TASP1: variants seen among roughly 807,000 people sequenced by gnomAD.
TASP1 encodes threonine aspartase 1.
A neutral mutation model predicts 56.6 loss-of-function variants in TASP1; 16 were observed. The ratio of observed to expected loss-of-function variants is 0.28; its 90% confidence interval spans 0.19 to 0.43. The LOEUF (loss-of-function observed/expected upper bound fraction) is 0.43. TASP1 is among the 20% of genes least tolerant of loss of function. The pLI is 1.00. For synonymous variants in TASP1, 179 were observed against 184.2 expected, an observed-to-expected ratio of 0.97 and a Z score of 0.23; for missense variants, 393 against 511.6, an observed-to-expected ratio of 0.77 and a Z score of 2.24.
chr20:13,518,443 C>T (rs144774259), intron 10 of TASP1, among the ~76,000 whole-genome samples: 505 of 152,162 alleles, frequency 3.3e-3, no homozygotes, highest in African/African-American at 0.011. Context: ...ACTCAAGAGT[C>T]CCCCTTTCAT....
the TASP1 span, among the ~76,000 whole-genome samples, chr20:13,204,552 T>TATATATATATATATG: frequency 6.6e-6 from 1 of 151,382 alleles, no homozygotes; most frequent in African/African-American, 2.4e-5. Context: ...TATATGTATA[T>TATATATATATATATG]TTTTTGAGAC....
the TASP1 span, among the ~76,000 whole-genome samples, chr20:13,379,053 T>C: frequency 1.3e-5 from 2 of 152,314 alleles, no homozygotes; most frequent in Middle Eastern, 3.4e-3. Context: ...GTCTTTTAAT[T>C]GGGGCATTTA....
At chr20:13,598,303 C>T (rs1308629294) in intron 4 of TASP1, among the ~76,000 whole-genome samples, 4 of 152,100 alleles carry the variant, frequency 2.6e-5, no homozygotes, top group Non-Finnish European at 4.4e-5. Context: ...CTACAGTAAC[C>T]AAAACAGCAT....
intron 11 of TASP1, among the ~76,000 whole-genome samples, chr20:13,437,967 T>A (rs2043069999): frequency 6.6e-6 from 1 of 152,234 alleles, no homozygotes; most frequent in Non-Finnish European, 1.5e-5. Flanking sequence ...GCCATCCCCA[T>A]CAAGCTACCA....
the TASP1 span, among the ~76,000 whole-genome samples, chr20:13,113,703 T>C: frequency 6.6e-6 from 1 of 152,160 alleles, no homozygotes; most frequent in Non-Finnish European, 1.5e-5. Context: ...TTCAATGAGG[T>C]CATATAAGCT....
In TASP1 at chr20:13,405,360, T is replaced by C. The variant is rs556156598; in HGVS notation, c.1170+12088A>G. ...AAATACATACATCAGGAGATACAAGTGTCCATTTAAATTTCCTCTTTCATT... is the reference window on the plus strand; with the variant it reads ...AAATACATACATCAGGAGATACAAGCGTCCATTTAAATTTCCTCTTTCATT... On this transcript the variant is annotated intron_variant, in intron 13 of 13. Transcript: ENST00000337743. 3.9e-5 allele frequency among the ~76,000 whole-genome samples: 6 copies of C among 152,304 alleles called. No individual in the cohort carries two copies. The South Asian group carries it at 1.2e-3, about 32-fold the overall frequency.
At chr20:13,430,672 G>GT (rs1568789799) in intron 12 of TASP1, among the ~76,000 whole-genome samples, 1 of 152,206 alleles carries the variant, frequency 6.6e-6, no homozygotes, top group Non-Finnish European at 1.5e-5. Context: ...CGAGTCTCTA[G>GT]TGTTTGGCTC....
the TASP1 span, among the ~76,000 whole-genome samples, chr20:13,251,657 T>G: frequency 6.6e-6 from 1 of 152,222 alleles, no homozygotes; most frequent in Admixed American, 6.5e-5. Flanking sequence ...ATATTTCCTT[T>G]GGTCAGAGAG....
At chr20:13,366,633 C>A in the TASP1 span, among the ~76,000 whole-genome samples, 1 of 152,136 alleles carries the variant, frequency 6.6e-6, no homozygotes, top group Non-Finnish European at 1.5e-5. Context: ...CTTTCTCCTG[C>A]CCAGGGAAAG....
At chr20:13,450,894 A>C (rs1224693978) in intron 11 of TASP1, among the ~76,000 whole-genome samples, 2 of 152,084 alleles carry the variant, frequency 1.3e-5, no homozygotes, top group East Asian at 3.9e-4. Flanking sequence ...AAAGGTTTTT[A>C]ATTTACTTGT....
chr20:13,493,205 C>T (rs376926749), intron 10 of TASP1, among the ~76,000 whole-genome samples: 2 of 152,074 alleles, frequency 1.3e-5, no homozygotes, highest in Non-Finnish European at 2.9e-5. Context: ...GTAGTGAAAA[C>T]GCTTCATCCC....
At chr20:13,545,287 TA>T (rs962464316) in intron 8 of TASP1, among the ~76,000 whole-genome samples, 1 of 152,192 alleles carries the variant, frequency 6.6e-6, no homozygotes, top group African/African-American at 2.4e-5. Context: ...AAATATAACC[TA>T]AATTATGATA....
At position 13,635,419 on chromosome 20, in the gene TASP1, G is replaced by A. The variant is rs1029154767; in HGVS notation, c.-75+3475C>T. ...TTTTTTTTTTTTGAGACACAGTCTC[G>A]CTCTGTTGCCTAGGCTGGAGTGCAG... On this transcript the variant is annotated intron_variant, in intron 1 of 13. Coordinates refer to ENST00000337743, the MANE Select transcript of TASP1 (RefSeq NM_017714.3). Among the ~76,000 whole-genome samples the A allele has an allele frequency of 1.8e-4, 24 of 134,456 alleles. No homozygotes were observed. The East Asian group carries it at 4.9e-3, about 27-fold the overall frequency. 88.2% of individuals were successfully genotyped at this position (134,456 alleles called of 152,430 possible).
At chr20:13,597,484 C>T (rs2047782164) in intron 4 of TASP1, among the ~76,000 whole-genome samples, 1 of 152,118 alleles carries the variant, frequency 6.6e-6, no homozygotes, top group Non-Finnish European at 1.5e-5. Flanking sequence ...ATTCAACAGC[C>T]TTCATGCTAA....
At chr20:13,115,379 A>G in the TASP1 span, among the ~76,000 whole-genome samples, 1 of 152,136 alleles carries the variant, frequency 6.6e-6, no homozygotes, top group African/African-American at 2.4e-5. Flanking sequence ...GAAGAAATAT[A>G]AACCAGGTGG....
chr20:13,489,106 C>T (rs2043429542), intron 10 of TASP1, among the ~76,000 whole-genome samples: 1 of 152,124 alleles, frequency 6.6e-6, no homozygotes, highest in Non-Finnish European at 1.5e-5. Flanking sequence ...ACCTGAAGAT[C>T]TGCTTCACAC....
intron 4 of TASP1, among the ~76,000 whole-genome samples, chr20:13,604,140 C>T (rs953661579): frequency 6.6e-6 from 1 of 152,176 alleles, no homozygotes. Context: ...AACCCAATCT[C>T]TCTCCCTCAC....
intron 4 of TASP1, among the ~76,000 whole-genome samples, chr20:13,622,614 G>C (rs1176285401): frequency 1.3e-5 from 2 of 152,176 alleles, no homozygotes; most frequent in Admixed American, 1.3e-4. Context: ...GAAAGGGTAA[G>C]TGCCTTGGTA....
At chr20:13,270,503 G>T in the TASP1 span, 2 of 1,610,890 alleles carry the variant, frequency 1.2e-6, no homozygotes, top group Non-Finnish European at 1.7e-6. Flanking sequence ...GTTTGTTTTA[G>T]AATAACCTCA....
Sources: gnomAD v4.1 joint callset for allele counts (sites outside exome capture counted in the v4.1 genomes callset) on GRCh38, gnomAD v4.1.1 for gene constraint, MANE v1.5 for transcripts, NCBI Gene and HGNC (gene_info 2026-07-23, HGNC 2026-07-21) for gene names.